The following FBXO3 variants were observed in gnomAD, a reference collection of about 807,000 sequenced individuals.
The protein encoded by FBXO3 is F-box only protein 3.
A neutral mutation model predicts 64.8 loss-of-function variants in FBXO3; 17 were observed. The ratio of observed to expected loss-of-function variants is 0.26; its 90% CI spans 0.18 to 0.39. The LOEUF (loss-of-function observed/expected upper bound fraction) is 0.39, where lower values mean the gene tolerates loss of function less well. Ranked by LOEUF, FBXO3 falls within the 10% of genes least tolerant of loss-of-function variation. The pLI, the probability that FBXO3 is intolerant of heterozygous loss-of-function variation, is 1.00. For synonymous variants in FBXO3, 182 were observed against 201.6 expected, an observed-to-expected ratio of 0.90 and a Z score of 0.82; for missense variants, 420 against 589.9, an observed-to-expected ratio of 0.71 and a Z score of 2.98.
chr11:33,742,313 TGG>T (rs1188465375), intron 10 of FBXO3: 1 of 344,188 alleles, frequency 2.9e-6, no homozygotes, highest in Non-Finnish European at 5.2e-6. Context: ...TGTTGTTTAA[TGG>T]AAGATCTTCT....
At chr11:33,745,335 A>C (rs1854789088) in intron 10 of FBXO3, 2 of 152,042 alleles carry the variant, frequency 1.3e-5, no homozygotes, top group Admixed American at 6.5e-5. Context: ...AGAAGACTTG[A>C]AAAAAACTGT....
At chr11:33,767,539 T>A (rs949864003) in intron 3 of FBXO3, 1 of 152,278 alleles carries the variant, frequency 6.6e-6, no homozygotes, top group Non-Finnish European at 1.5e-5. Context: ...GACCTCGTGA[T>A]CCACCCGCCT....
intron 10 of FBXO3, chr11:33,745,770 A>G (rs1030565639): frequency 1.3e-5 from 2 of 152,220 alleles, no homozygotes; most frequent in Non-Finnish European, 2.9e-5. Context: ...AAGGAAAGAA[A>G]TAAAGATAAC....
intron 9 of FBXO3, 123 bp from the exon 10 acceptor site, chr11:33,747,443 A>C (rs1854842603): frequency 1.3e-6 from 1 of 756,998 alleles, no homozygotes; most frequent in Admixed American, 3.0e-5. Context: ...TTAGAAAAAA[A>C]AATTCCAAAA....
chr11:33,757,037 T>C (rs2133606780), intron 4 of FBXO3: 2 of 518,886 alleles, frequency 3.9e-6, no homozygotes, highest in East Asian at 5.5e-5. Flanking sequence ...GCCCCCAAGA[T>C]TTGACTTCTG....
intron 3 of FBXO3, among the ~76,000 whole-genome samples, chr11:33,759,091 C>T (rs1362947268): frequency 6.6e-6 from 1 of 152,190 alleles, no homozygotes; most frequent in Non-Finnish European, 1.5e-5. Flanking sequence ...GCCACATATT[C>T]TAGCTTTGAG....
chr11:33,769,661 G>A (rs1351459757), intron 2 of FBXO3, among the ~76,000 whole-genome samples: 2 of 152,166 alleles, frequency 1.3e-5, no homozygotes, highest in Non-Finnish European at 2.9e-5. Context: ...ACATACTAAC[G>A]AGCTTAGTAA....
chr11:33,744,972 C>T (rs1333769720), intron 10 of FBXO3: 1 of 152,094 alleles, frequency 6.6e-6, no homozygotes, highest in East Asian at 1.9e-4. Flanking sequence ...GACAACTTTA[C>T]ACCCACCCTA....
Position 33,770,151 on chromosome 11 carries a change from C to T in FBXO3, c.194+590G>A, listed in dbSNP as rs572274033. Among the ~76,000 whole-genome samples, 4 of 152,206 alleles carry T rather than the reference C, an allele frequency of 2.6e-5. No individual in the cohort carries two copies. The South Asian group carries it at 8.3e-4, about 32-fold the overall frequency. On this transcript the variant is annotated intron_variant, in intron 2 of 10. Coordinates refer to ENST00000265651, the MANE Select transcript of FBXO3 (RefSeq NM_012175.4). Reference sequence around the variant, plus strand: ...TAGCAATACTTAAAATTCCCCTTACCCTGTTCTTTTTCCTCCCAATGTTTG... The same window carrying T: ...TAGCAATACTTAAAATTCCCCTTACTCTGTTCTTTTTCCTCCCAATGTTTG...
intron 3 of FBXO3, among the ~76,000 whole-genome samples, chr11:33,765,124 G>A (rs945328906): frequency 3.9e-5 from 6 of 152,154 alleles, no homozygotes; most frequent in Admixed American, 3.9e-4. Flanking sequence ...GGAAAATCGG[G>A]GGAAATTCAA....
chr11:33,770,921 C>A, intron 1 of FBXO3, 91 bp from the exon 2 acceptor site: 2 of 1,005,578 alleles, frequency 2.0e-6, no homozygotes, highest in Admixed American at 4.3e-5. Context: ...TTGTTTTATG[C>A]CTTTTGTTTC....
intron 10 of FBXO3, chr11:33,745,130 G>A (rs1406099476): frequency 6.6e-6 from 1 of 152,106 alleles, no homozygotes; most frequent in Non-Finnish European, 1.5e-5. Context: ...AATGATGAAA[G>A]AATTATGTCA....
intron 8 of FBXO3, 53 bp downstream of exon 8, chr11:33,750,486 C>A: frequency 6.3e-7 from 1 of 1,593,770 alleles, no homozygotes; most frequent in Non-Finnish European, 8.6e-7. Context: ...GCAACATGTC[C>A]ATTGGATATA....
chr11:33,741,821 G>T lies in FBXO3; in HGVS notation c.*87C>A. 3.0e-6 allele frequency: 4 copies of T among 1,322,398 alleles called. No individual in the cohort carries two copies. Among genetic ancestry groups the T allele is most frequent in the Non-Finnish European group, 4.0e-6 (4 of 1,000,896 alleles). The allele number at this position is 1,322,398 out of a possible 1,614,324, so 81.9% of individuals were successfully genotyped here. A position where few individuals can be genotyped will look rare whatever the true frequency, so the allele number is the denominator to read the frequency against. ...TTTCATGCTAGTTTTCCTGCTATAT[G>T]CAGAGAACAATTTAGTTATTTACAT... is the stretch of plus-strand genomic sequence containing the variant. On this transcript the variant is annotated 3_prime_UTR_variant, in exon 11 of 11. Coordinates refer to ENST00000265651, the MANE Select transcript of FBXO3 (RefSeq NM_012175.4).
rs939056326 is a variant in FBXO3 at position 33,750,639 on chromosome 11, C to T, written c.832G>A (p.Val278Ile). The T allele has an allele frequency of 1.1e-5, 17 of 1,613,288 alleles. No individual in the cohort carries two copies. Among genetic ancestry groups the T allele is most frequent in the African/African-American group, 1.3e-5 (1 of 74,896 alleles). ...IFRYVHDPEC[V>I]ATTGDITVSV... is the part of the protein sequence containing the mutation. ...ACAGTAATATCCCCAGTTGTTGCTACACATTCTGGATCGTGAACATATCTA... is the reference window on the plus strand; with the variant it reads ...ACAGTAATATCCCCAGTTGTTGCTATACATTCTGGATCGTGAACATATCTA... Residue 278 changes from valine (V) to isoleucine (I), a missense_variant, in exon 8 of 11, where the codon GTA becomes ATA. Around this residue, in one of 3 missense-constraint regions of FBXO3, gnomAD observed 337 missense variants for 518.4 expected, o/e 0.65. Coordinates refer to ENST00000265651, the MANE Select transcript of FBXO3 (RefSeq NM_012175.4).
intron 1 of FBXO3, chr11:33,773,327 G>C (rs1242731672): frequency 6.6e-6 from 1 of 152,236 alleles, no homozygotes; most frequent in Non-Finnish European, 1.5e-5. Context: ...AGTACAGGTA[G>C]TGACCAAAAA....
chr11:33,758,460 A>G, intron 4 of FBXO3, 27 bp downstream of exon 4: 1 of 1,513,962 alleles, frequency 6.6e-7, no homozygotes, highest in Non-Finnish European at 9.0e-7. Flanking sequence ...GCATCATTAA[A>G]AATAACCAAA....
chr11:33,765,203 A>C (rs565751401), intron 3 of FBXO3, among the ~76,000 whole-genome samples: 2 of 152,212 alleles, frequency 1.3e-5, no homozygotes, highest in Non-Finnish European at 2.9e-5. Context: ...AATGTCCCAC[A>C]GTGGGATATA....
chr11:33,765,479 T>C (rs1179921659), intron 3 of FBXO3, among the ~76,000 whole-genome samples: 2 of 151,976 alleles, frequency 1.3e-5, no homozygotes, highest in African/African-American at 4.8e-5. Flanking sequence ...AAAATAGACA[T>C]GGCAAAAAGA....
Sources: allele counts gnomAD v4.1 joint callset (sites outside exome capture counted in the v4.1 genomes callset), GRCh38; gene constraint gnomAD v4.1.1; regional missense constraint gnomAD v4.1.1; transcripts MANE v1.5; gene names NCBI Gene and HGNC (gene_info 2026-07-23, HGNC 2026-07-21).